The following CMIP variants were observed in gnomAD, a reference collection of about 807,000 sequenced individuals.
CMIP encodes c-Maf inducing protein, also known as C-Maf-inducing protein.
CMIP carries 13 observed loss-of-function variants against 97.3 expected under a neutral mutation model. That is an observed-to-expected ratio of 0.13 (90% CI 0.09 to 0.21). The LOEUF (loss-of-function observed/expected upper bound fraction) is 0.21, where lower values mean the gene tolerates loss of function less well. CMIP is among the 10% of genes least tolerant of loss of function. The probability of loss-of-function intolerance (pLI) is 1.00; values close to 1 mark genes in which losing one functional copy is unlikely to be tolerated. For synonymous variants in CMIP, 538 were observed against 436.3 expected (o/e 1.23, Z -2.91); for missense variants, 847 against 1,024.9 (o/e 0.83, Z 2.37).
At chr16:81,688,265 C>G (rs762522743) in intron 10 of CMIP, among the ~76,000 whole-genome samples, 3 of 152,194 alleles carry the variant, frequency 2.0e-5, no homozygotes, top group Non-Finnish European at 4.4e-5. Context: ...GAAGGAGGCT[C>G]TTTCATGAAA....
chr16:81,548,450 C>T (rs770352391), intron 1 of CMIP, among the ~76,000 whole-genome samples: 3 of 152,006 alleles, frequency 2.0e-5, no homozygotes, highest in African/African-American at 7.3e-5. Flanking sequence ...GTCTTTATTG[C>T]GGGCACTGTC....
chr16:81,634,060 A>G (rs1255627598), intron 3 of CMIP, among the ~76,000 whole-genome samples: 1 of 152,226 alleles, frequency 6.6e-6, no homozygotes, highest in African/African-American at 2.4e-5. Flanking sequence ...GACTAGCAGT[A>G]TCTGCATCAC....
chr16:81,493,208 C>A (rs1045502010), intron 1 of CMIP, among the ~76,000 whole-genome samples: 8 of 152,116 alleles, frequency 5.3e-5, no homozygotes, highest in African/African-American at 1.7e-4. Context: ...ATGGAGCCAC[C>A]ACACCGAATT....
Position 81,652,344 on chromosome 16 carries a change from G to A in CMIP, c.619G>A (p.Val207Ile), listed in dbSNP as rs769809560. The part of the protein sequence containing the change: ...DSINQAPLEI[V>I]SKLLSENTNL... ...CATCAACCAGGCCCCACTGGAAATC[G>A]TCTCGAAACTGCTCTCAGAGGTAAA... Residue 207 changes from valine (V) to isoleucine (I), a missense_variant, in exon 4 of 21, where the codon GTC (valine) becomes ATC (isoleucine). Transcript: ENST00000537098. The surrounding 1 kb of genome is among the most constrained non-coding windows in gnomAD (Gnocchi z 5.2). The A allele has an allele frequency of 1.2e-5, 20 of 1,613,484 alleles. 1 individual carries two copies. Among genetic ancestry groups the A allele is most frequent in the South Asian group, 5.5e-5 (5 of 91,050 alleles).
At chr16:81,463,826 A>C (rs1335623059) in intron 1 of CMIP, 2 of 152,270 alleles carry the variant, frequency 1.3e-5, no homozygotes, top group African/African-American at 4.8e-5. Flanking sequence ...CCTAGGCTCC[A>C]CTGCTTTTCC....
chr16:81,498,360 G>C (rs1395305476), intron 1 of CMIP, among the ~76,000 whole-genome samples: 4 of 152,212 alleles, frequency 2.6e-5, no homozygotes, highest in Non-Finnish European at 5.9e-5. Flanking sequence ...CAGTGCCGGG[G>C]GCTGGGCACA....
Position 81,642,839 on chromosome 16 carries a change from T to G in CMIP, c.478-9364T>G, listed in dbSNP as rs546215658. Among the ~76,000 whole-genome samples the G allele has an allele frequency of 2.0e-5, 3 of 152,200 alleles. No homozygotes were observed. In the South Asian group the frequency reaches 6.2e-4, roughly 32 times the overall value. On this transcript the variant is annotated intron_variant, in intron 3 of 20. Transcript: ENST00000537098. ...TGAACCCGGGAGGCGGAGTTTGCAATGAGTTGAGATCGCACCACTGCACTC... is the reference window on the plus strand; with the variant it reads ...TGAACCCGGGAGGCGGAGTTTGCAAGGAGTTGAGATCGCACCACTGCACTC...
At chr16:81,536,502 C>G (rs1174651927) in intron 1 of CMIP, among the ~76,000 whole-genome samples, 2 of 152,168 alleles carry the variant, frequency 1.3e-5, no homozygotes, top group Admixed American at 6.5e-5. Flanking sequence ...ATGCCCTGTC[C>G]TAACCATTTT....
At chr16:81,620,796 G>GCT in intron 2 of CMIP, 80 bp from the exon 3 acceptor site, 1 of 1,535,192 alleles carries the variant, frequency 6.5e-7, no homozygotes, top group South Asian at 1.1e-5. Flanking sequence ...AGGCTTGGGG[G>GCT]CTCACATGCT....
At chr16:81,547,863 C>T (rs2090577236) in intron 1 of CMIP, among the ~76,000 whole-genome samples, 1 of 152,158 alleles carries the variant, frequency 6.6e-6, no homozygotes, top group African/African-American at 2.4e-5. Context: ...TGCCCCAGGG[C>T]CAGGTGCTGT....
At chr16:81,569,205 A>G (rs1597099012) in intron 1 of CMIP, among the ~76,000 whole-genome samples, 3 of 152,150 alleles carry the variant, frequency 2.0e-5, no homozygotes, top group African/African-American at 7.2e-5. Context: ...CCTTGAGAAT[A>G]TCTGTAGTGA....
chr16:81,580,409 G>A (rs986963792), intron 1 of CMIP, among the ~76,000 whole-genome samples: 1 of 151,964 alleles, frequency 6.6e-6, no homozygotes, highest in Admixed American at 6.5e-5. Flanking sequence ...TTTTGGGTTT[G>A]TTTTCTTTCT....
chr16:81,710,313 T>C lies in CMIP; in HGVS notation c.*514T>C. 1 of 161,852 alleles carries C rather than the reference T, an allele frequency of 6.2e-6. No individual in the cohort carries two copies. Among genetic ancestry groups the C allele is most frequent in the Non-Finnish European group, 1.4e-5 (1 of 72,702 alleles). 10.0% of individuals were successfully genotyped at this position (161,852 alleles called of 1,614,324 possible). On this transcript the variant is annotated 3_prime_UTR_variant, in exon 21 of 21. Transcript: ENST00000537098. ...TCACCATTGCTATGCAAAGTGATTC[T>C]TGTTGTACATAAGATTTAAATAATG...
intron 1 of CMIP, among the ~76,000 whole-genome samples, chr16:81,568,035 G>GTT: frequency 1.2e-5 from 1 of 85,842 alleles, no homozygotes; most frequent in African/African-American, 4.2e-5. Context: ...GTGTGTGTGT[G>GTT]TGTGTTTTTT....
At chr16:81,648,699 C>T (rs1444373511) in intron 3 of CMIP, among the ~76,000 whole-genome samples, 1 of 141,182 alleles carries the variant, frequency 7.1e-6, no homozygotes, top group East Asian at 2.3e-4. Context: ...AGGAGAATCA[C>T]TTGAACCTGG....
At chr16:81,702,170 C>T (rs547984027) in intron 16 of CMIP, among the ~76,000 whole-genome samples, 25 of 152,268 alleles carry the variant, frequency 1.6e-4, no homozygotes, top group African/African-American at 5.5e-4. Flanking sequence ...CACAGAAGGA[C>T]GGAAGGGGCA....
intron 2 of CMIP, chr16:81,619,091 A>G (rs1346014784): frequency 6.6e-6 from 1 of 152,140 alleles, no homozygotes; most frequent in African/African-American, 2.4e-5. Context: ...ACACCACTAG[A>G]CACGACAGAG....
In CMIP at chr16:81,644,805, C is replaced by A. The variant is rs771209645; in HGVS notation, c.478-7398C>A. 9.9e-5 allele frequency among the ~76,000 whole-genome samples: 15 copies of A among 152,282 alleles called. No homozygotes were observed. In the South Asian group the frequency reaches 1.2e-3, roughly 13 times the overall value. On this transcript the variant is annotated intron_variant, in intron 3 of 20. Transcript: ENST00000537098. ...CCTTGGTAGACCTTTTAAGAAAATTCCAAGGCAGGGTCCCAGTGAGATGGG... is the reference window on the plus strand; with the variant it reads ...CCTTGGTAGACCTTTTAAGAAAATTACAAGGCAGGGTCCCAGTGAGATGGG...
chr16:81,534,578 C>A (rs1300290769), intron 1 of CMIP, among the ~76,000 whole-genome samples: 1 of 151,564 alleles, frequency 6.6e-6, no homozygotes, highest in Non-Finnish European at 1.5e-5. Context: ...TTAGTGACTT[C>A]TTAATTAGTG....
Sources: allele counts gnomAD v4.1 joint callset (sites outside exome capture counted in the v4.1 genomes callset), GRCh38; gene constraint gnomAD v4.1.1; non-coding constraint Gnocchi (gnomAD v3.1); transcripts MANE v1.5; gene names NCBI Gene and HGNC (gene_info 2026-07-23, HGNC 2026-07-21).